Variants in DHRS12 observed in about 807,000 individuals in gnomAD.
DHRS12 encodes dehydrogenase/reductase SDR family member 12.
DHRS12 carries 29 observed loss-of-function variants against 32.1 expected under a neutral mutation model. The observed-to-expected ratio is 0.90, with a 90% CI of 0.67 to 1.23. The LOEUF (loss-of-function observed/expected upper bound fraction) is 1.23. DHRS12 is among the 50% of genes most tolerant of loss of function. The pLI is 0.00. For synonymous variants in DHRS12, 150 were observed against 135.9 expected, an observed-to-expected ratio of 1.10 and a Z score of -0.72; for missense variants, 330 against 337.2, an observed-to-expected ratio of 0.98 and a Z score of 0.17.
chr13:51,760,890 C>T, the DHRS12 span: 1 of 152,198 alleles, frequency 6.6e-6, no homozygotes, highest in African/African-American at 2.4e-5. Flanking sequence ...GATGGGTGCC[C>T]CCATTCCTCA....
the DHRS12 span, chr13:51,756,702 T>C: frequency 1.0e-6 from 1 of 957,524 alleles, no homozygotes; most frequent in Non-Finnish European, 1.2e-6. Context: ...TTCTAGGTTA[T>C]GTGCCTTTAA....
At chr13:51,772,894 C>A in intron 6 of DHRS12, 1 of 985,430 alleles carries the variant, frequency 1.0e-6, no homozygotes, top group Non-Finnish European at 1.2e-6. Flanking sequence ...GGTCAAGGAG[C>A]AAAACTGGGG....
At chr13:51,767,949 C>G (rs1953823883), downstream of DHRS12, 2 of 1,314,190 alleles carry the variant, frequency 1.5e-6, no homozygotes, top group Non-Finnish European at 1.9e-6. Context: ...AAACCATTCT[C>G]GAATAAATGA....
chr13:51,765,965 A>G (rs1016335891), downstream of DHRS12: 1 of 152,046 alleles, frequency 6.6e-6, no homozygotes, highest in East Asian at 1.9e-4. Flanking sequence ...GTTACTTATG[A>G]TTCTTTTTTC....
At chr13:51,780,615 A>C (rs1375338841) in intron 4 of DHRS12, among the ~76,000 whole-genome samples, 2 of 152,242 alleles carry the variant, frequency 1.3e-5, no homozygotes, top group Non-Finnish European at 2.9e-5. Flanking sequence ...TATGTTGGAC[A>C]TAGTCTTCTA....
intron 2 of DHRS12, among the ~76,000 whole-genome samples, chr13:51,791,652 A>T (rs924249549): frequency 2.6e-5 from 4 of 152,226 alleles, no homozygotes; most frequent in African/African-American, 9.6e-5. Context: ...CCCTCTTAAC[A>T]AAATTTCCAG....
downstream of DHRS12, chr13:51,767,887 G>T: frequency 1.4e-6 from 1 of 729,448 alleles, no homozygotes; most frequent in African/African-American, 2.0e-5. Flanking sequence ...CCCCACCCCT[G>T]CGTCCCCTAA....
At chr13:51,758,188 C>A in the DHRS12 span, 2 of 1,566,186 alleles carry the variant, frequency 1.3e-6, no homozygotes, top group African/African-American at 1.3e-5. Flanking sequence ...TTTGCTCCTT[C>A]TAGACGTGCA....
intron 4 of DHRS12, among the ~76,000 whole-genome samples, chr13:51,786,767 T>C (rs1462137617): frequency 6.6e-6 from 1 of 152,230 alleles, no homozygotes; most frequent in African/African-American, 2.4e-5. Flanking sequence ...CTGCGAATGC[T>C]GAGGTTTACG....
At chr13:51,756,209 C>G in the DHRS12 span, 3 of 1,409,084 alleles carry the variant, frequency 2.1e-6, no homozygotes, top group Non-Finnish European at 2.9e-6. Flanking sequence ...TTCTGGGGCT[C>G]TCTTGTTCAG....
chr13:51,778,823 G>C (rs1460758535), intron 4 of DHRS12, among the ~76,000 whole-genome samples: 1 of 151,964 alleles, frequency 6.6e-6, no homozygotes, highest in Non-Finnish European at 1.5e-5. Flanking sequence ...CCAAGTAGCA[G>C]GTGCTTTTAA....
At chr13:51,757,553 C>T in the DHRS12 span, among the ~76,000 whole-genome samples, 6 of 151,642 alleles carry the variant, frequency 4.0e-5, no homozygotes, top group South Asian at 2.1e-4. Flanking sequence ...CACCTTTTCC[C>T]GCCTCTGTTT....
chr13:51,756,427 C>T, the DHRS12 span: 3 of 1,614,128 alleles, frequency 1.9e-6, no homozygotes, highest in Non-Finnish European at 2.5e-6. Flanking sequence ...AAGTGAGGGT[C>T]TGTGACAGCT....
In DHRS12 at chr13:51,804,134, C is replaced by A. The variant is rs1955887953; in HGVS notation, c.-89G>T. On this transcript the variant is annotated 5_prime_UTR_variant, in exon 1 of 9. Coordinates refer to ENST00000444610, the MANE Select transcript of DHRS12 (RefSeq NM_001377533.1). ...TGCCGGGAGCGCCCCACGCCTAGCC[C>A]CACCGCGCTCCCGGCGCGGCCTCCG... is the stretch of plus-strand genomic sequence containing the variant. 1 of 1,454,528 alleles carries A rather than the reference C, an allele frequency of 6.9e-7. No homozygotes were observed. Among genetic ancestry groups the A allele is most frequent in the Non-Finnish European group, 9.0e-7 (1 of 1,107,836 alleles). 90.1% of individuals were successfully genotyped at this position (1,454,528 alleles called of 1,614,324 possible).
At chr13:51,778,226 G>A (rs1954539132) in intron 4 of DHRS12, among the ~76,000 whole-genome samples, 1 of 152,270 alleles carries the variant, frequency 6.6e-6, no homozygotes, top group Admixed American at 6.5e-5. Context: ...CACAGGATCA[G>A]AGGAGTTTGT....
rs540082327 is a variant in DHRS12 at position 51,770,445 on chromosome 13, AG to A, written c.560-1153del. Among the ~76,000 whole-genome samples the A allele has an allele frequency of 2.9e-4, 44 of 152,316 alleles. No homozygotes were observed. The South Asian group carries it at 9.1e-3, about 32-fold the overall frequency. On this transcript the variant is annotated intron_variant, in intron 7 of 8. Coordinates refer to ENST00000444610, the MANE Select transcript of DHRS12 (RefSeq NM_001377533.1). ...CATCTGAGCTGATGCTGGGATTGTC[AG>A]AATGGTGTCCTTGGAGGGTAAGAGG...
rs763044725 is a variant in DHRS12, at chr13:51,799,653, G to C, written c.7C>G (p.Leu3Val). 6.2e-7 allele frequency: 1 copy of C among 1,613,892 alleles called. No individual in the cohort carries two copies. The highest frequency in any genetic ancestry group is 8.5e-7 in the Non-Finnish European group (1 of 1,180,018). ...ATGAGGGACAAAGTCTTTACATGCA[G>C]ATTCATAGCCACTCCTAGAAAGAGG... MN[L>V]HVKTLSLMTW... The change falls in exon 2 of 9, where the codon CTG becomes GTG. Residue 3 changes from leucine (L) to valine (V), a missense_variant. Physicochemically the swap from Leu to Val is conservative, Grantham distance 32. Coordinates refer to ENST00000444610, the MANE Select transcript of DHRS12 (RefSeq NM_001377533.1).
chr13:51,758,229 A>G, the DHRS12 span: 6 of 1,596,456 alleles, frequency 3.8e-6, no homozygotes, highest in African/African-American at 1.3e-5. Flanking sequence ...CAGTAAACAT[A>G]ACATTGTGCA....
At position 51,769,155 on chromosome 13, in the gene DHRS12, C is replaced by A. The variant is rs1373799679; in HGVS notation, c.697+1G>T. 7 of 1,549,254 alleles carry A rather than the reference C, an allele frequency of 4.5e-6. No homozygotes were observed. The East Asian group carries it at 1.7e-4, about 38-fold the overall frequency. On this transcript the variant is annotated splice_donor_variant, in intron 8 of 8. Coordinates refer to ENST00000444610, the MANE Select transcript of DHRS12 (RefSeq NM_001377533.1). LOFTEE classifies it high-confidence loss of function. ...GCCTTCACAGCCAGGGAGGAAGTCA[C>A]CTTGAAAGAAGCGGCCGCTGGGCTG...
Sources: gnomAD v4.1 joint callset for allele counts (sites outside exome capture counted in the v4.1 genomes callset) on GRCh38, gnomAD v4.1.1 for gene constraint, MANE v1.5 for transcripts, NCBI Gene and HGNC (gene_info 2026-07-23, HGNC 2026-07-21) for gene names.